The following TOR3A variants were observed in gnomAD, a reference collection of about 807,000 sequenced individuals.
TOR3A encodes the protein torsin family 3 member A, also known as torsin-3A.
TOR3A carries 44 observed loss-of-function variants against 42.1 expected under a neutral mutation model. That is an observed-to-expected ratio of 1.04 (90% confidence interval 0.82 to 1.34). TOR3A has a LOEUF of 1.34. Among genes scored for constraint, TOR3A ranks in the 40% most tolerant of loss-of-function variants. The pLI is 0.00. For synonymous variants in TOR3A, 227 were observed against 213.2 expected (o/e 1.06, Z -0.57); for missense variants, 521 against 507.6 (o/e 1.03, Z -0.25).
rs1308039746 is a variant in TOR3A at position 179,083,523 on chromosome 1, G to A, written c.373+470G>A. Among the ~76,000 whole-genome samples, 6 of 148,880 alleles carry A rather than the reference G, an allele frequency of 4.0e-5. No individual in the cohort carries two copies. The Admixed American group carries it at 4.1e-4, about 10-fold the overall frequency. On this transcript the variant is annotated intron_variant, in intron 2 of 5. Transcript: ENST00000367627. ...TTTTCCTGCCTCAGCCTCCCGAGTA[G>A]CTGGGATTACAGGTGCCTGCCACCA...
intron 2 of TOR3A, chr1:179,085,283 G>T (rs1652397414): frequency 4.2e-6 from 1 of 240,832 alleles, no homozygotes; most frequent in Admixed American, 4.9e-5. Context: ...AATTAGCTGG[G>T]TATGGTGGTG....
rs540630145 is a variant in TOR3A, at chr1:179,085,472, G to A, written c.374-156G>A. On this transcript the variant is annotated intron_variant, in intron 2 of 5. Transcript: ENST00000367627. ...GTCCTTGAATCCCTTCTGCTACAAA[G>A]TCTGCCCTCTGGCTTCTTATTCTAA... 123 of 795,612 alleles carry A rather than the reference G, an allele frequency of 1.5e-4. No individual in the cohort carries two copies. The East Asian group carries it at 2.9e-3, about 19-fold the overall frequency. The allele number at this position is 795,612 out of a possible 1,614,324, so 49.3% of individuals were successfully genotyped here.
intron 1 of TOR3A, 185 bp downstream of exon 1, chr1:179,082,572 C>T: frequency 1.1e-6 from 1 of 891,102 alleles, no homozygotes; most frequent in Non-Finnish European, 1.7e-6. Flanking sequence ...ACCGCCCTTG[C>T]CCCACCCGCG....
At position 179,094,894 on chromosome 1, in the gene TOR3A, AC is replaced by A. The variant is rs1652690933; in HGVS notation, c.944-69del. On this transcript the variant is annotated intron_variant, in intron 5 of 5. Coordinates refer to ENST00000367627, the MANE Select transcript of TOR3A (RefSeq NM_022371.4). ...CCCTGTTTCAAAGAAACCAACAGCA[AC>A]CCCCACCCCCGCTAAATTCCAGCTA... 84 of 1,457,168 alleles carry A rather than the reference AC, an allele frequency of 5.8e-5. 1 individual carries two copies. The highest frequency in any genetic ancestry group is 7.9e-5 in the Non-Finnish European group (82 of 1,041,600). 90.3% of individuals were successfully genotyped at this position (1,457,168 alleles called of 1,614,324 possible). A position where few individuals can be genotyped will look rare whatever the true frequency, so the allele number is the denominator to read the frequency against.
chr1:179,082,685 C>T (rs751461726), intron 1 of TOR3A: 1 of 704,570 alleles, frequency 1.4e-6, no homozygotes, highest in Non-Finnish European at 2.6e-6. Context: ...TCCCAGCCCA[C>T]CCTGGCGTTA....
intron 4 of TOR3A, 53 bp downstream of exon 4, chr1:179,088,142 C>T (rs1652486681): frequency 6.7e-7 from 1 of 1,490,880 alleles, no homozygotes; most frequent in Non-Finnish European, 9.0e-7. Flanking sequence ...AAGATACTAG[C>T]TGGCAGTGGA....
intron 4 of TOR3A, 149 bp downstream of exon 4, chr1:179,088,238 T>A: frequency 1.1e-6 from 1 of 882,142 alleles, no homozygotes; most frequent in Non-Finnish European, 1.6e-6. Context: ...CCAGCTGTGG[T>A]AGCTCACGCC....
intron 4 of TOR3A, 74 bp downstream of exon 4, chr1:179,088,163 C>A: frequency 7.0e-7 from 1 of 1,429,072 alleles, no homozygotes; most frequent in Non-Finnish European, 9.4e-7. Context: ...GGCTTCCACA[C>A]GCCCCCAGGT....
At chr1:179,090,058 C>G (rs1652537215) in intron 4 of TOR3A, among the ~76,000 whole-genome samples, 1 of 150,928 alleles carries the variant, frequency 6.6e-6, no homozygotes, top group Non-Finnish European at 1.5e-5. Context: ...TGTCCTTTCC[C>G]CCAGTGACCC....
intron 2 of TOR3A, among the ~76,000 whole-genome samples, 174 bp downstream of exon 2, chr1:179,083,227 G>A (rs1652342019): frequency 6.6e-6 from 1 of 152,106 alleles, no homozygotes; most frequent in Admixed American, 6.5e-5. Context: ...AGTCAGGGAA[G>A]CCCCTTTTTA....
rs1461294747 is a variant in TOR3A, at chr1:179,095,350, A to C, written c.*132A>C. The C allele has an allele frequency of 1.6e-5, 24 of 1,516,336 alleles. No homozygotes were observed. Among genetic ancestry groups the C allele is most frequent in the Non-Finnish European group, 2.1e-5 (24 of 1,141,036 alleles). 93.9% of individuals were successfully genotyped at this position (1,516,336 alleles called of 1,614,324 possible). ...GCATCCAGCAGCCACTAACAAACAC[A>C]CAACTGGTGTGTAAAAGGCAGGCCT... is the stretch of plus-strand genomic sequence containing the variant. On this transcript the variant is annotated 3_prime_UTR_variant, in exon 6 of 6. Transcript: ENST00000367627.
At chr1:179,085,511 G>A (rs1652406457) in intron 2 of TOR3A, 117 bp from the exon 3 acceptor site, 4 of 1,303,342 alleles carry the variant, frequency 3.1e-6, no homozygotes, top group African/African-American at 2.9e-5. Context: ...CAAACAGGAG[G>A]AGTAACTGAT....
At chr1:179,094,592 G>A (rs919616998) in intron 5 of TOR3A, among the ~76,000 whole-genome samples, 2 of 152,164 alleles carry the variant, frequency 1.3e-5, no homozygotes, top group Non-Finnish European at 2.9e-5. Flanking sequence ...AGCCCCTTCA[G>A]TCGGGGCCAG....
intron 2 of TOR3A, among the ~76,000 whole-genome samples, chr1:179,083,581 CGGGG>C (rs78979955): frequency 1.9e-5 from 2 of 102,648 alleles, no homozygotes; most frequent in East Asian, 3.6e-4. Context: ...TTAGTAGAGG[CGGGG>C]GGGGGGGGGG....
intron 2 of TOR3A, among the ~76,000 whole-genome samples, chr1:179,083,915 C>T (rs546520181): frequency 6.6e-6 from 1 of 152,106 alleles, no homozygotes; most frequent in Non-Finnish European, 1.5e-5. Context: ...GAGGCCCACC[C>T]CAGATATTTA....
intron 4 of TOR3A, 163 bp downstream of exon 4, chr1:179,088,252 A>G (rs1350580217): frequency 2.7e-6 from 2 of 753,600 alleles, no homozygotes; most frequent in Non-Finnish European, 3.9e-6. Context: ...TCACGCCTGT[A>G]ATCCCAGCAC....
chr1:179,085,966 GGAAATGGGCTCTGGA>G, intron 3 of TOR3A, 73 bp downstream of exon 3: 1 of 1,555,586 alleles, frequency 6.4e-7, no homozygotes, highest in South Asian at 1.2e-5. Context: ...TTCCTTGCAA[GGAAATGGGCTCTGGA>G]GAAGCCTGGG....
chr1:179,088,896 C>T (rs770301163), intron 4 of TOR3A, among the ~76,000 whole-genome samples: 7 of 152,200 alleles, frequency 4.6e-5, no homozygotes, highest in South Asian at 4.1e-4. Context: ...GCTCGAGCCT[C>T]GGTAGGAGTC....
At chr1:179,093,241 T>C (rs973361098) in intron 4 of TOR3A, among the ~76,000 whole-genome samples, 1 of 152,182 alleles carries the variant, frequency 6.6e-6, no homozygotes, top group African/African-American at 2.4e-5. Context: ...CCTTATCCCC[T>C]TTCTCCCTCC....
Sources: gnomAD v4.1 joint callset for allele counts (sites outside exome capture counted in the v4.1 genomes callset) on GRCh38, gnomAD v4.1.1 for gene constraint, MANE v1.5 for transcripts, NCBI Gene and HGNC (gene_info 2026-07-23, HGNC 2026-07-21) for gene names.